The following NEK10 variants were observed in gnomAD, a reference collection of about 807,000 sequenced individuals.
NEK10 encodes NIMA related kinase 10, also known as serine/threonine-protein kinase Nek10.
Under a neutral mutation model 159.8 loss-of-function variants are expected in NEK10, and 122 were observed. That is an observed-to-expected ratio of 0.76 (90% CI 0.66 to 0.89). The LOEUF is 0.89. Ranked by LOEUF, NEK10 falls within the 40% of genes least tolerant of loss-of-function variation. NEK10 has a pLI of 0.00. For synonymous variants in NEK10, 466 were observed against 457.1 expected, an observed-to-expected ratio of 1.02 and a Z score of -0.25; for missense variants, 1,342 against 1,323.1, an observed-to-expected ratio of 1.01 and a Z score of -0.22.
chr3:27,156,929 G>GATATATATATATATATAT (rs4016654), intron 30 of NEK10, among the ~76,000 whole-genome samples: 1 of 28,314 alleles, frequency 3.5e-5, no homozygotes, highest in Non-Finnish European at 7.1e-5. Flanking sequence ...TAAAGAAACT[G>GATATATATATATATATAT]ATATATATAT....
At chr3:27,177,153 T>C (rs1305380839) in intron 26 of NEK10, among the ~76,000 whole-genome samples, 1 of 152,184 alleles carries the variant, frequency 6.6e-6, no homozygotes, top group East Asian at 1.9e-4. Flanking sequence ...TTTGCATAAA[T>C]TCTGATAAAG....
rs986411336 is a variant in NEK10 at position 27,346,188 on chromosome 3, T to C, written c.161A>G (p.Gln54Arg). Residue 54 changes from glutamine (Q) to arginine (R), a missense_variant, in exon 4 of 36, where the codon CAA becomes CGA. By Grantham distance (43) the Gln-to-Arg change is conservative. Coordinates refer to ENST00000691995, the MANE Select transcript of NEK10 (RefSeq NM_001394966.1). ...GGGCTCAGACTTCGTCATGCTATTT[T>C]GGGCACTATCGAAGTTAATGGCTGG... ...QLPAINFDSA[Q>R]NSMTKSEPAI... The C allele has an allele frequency of 1.2e-6, 2 of 1,613,634 alleles. No individual in the cohort carries two copies. Among genetic ancestry groups the C allele is most frequent in the Non-Finnish European group, 1.7e-6 (2 of 1,179,706 alleles).
intron 4 of NEK10, among the ~76,000 whole-genome samples, chr3:27,345,448 C>A (rs532094716): frequency 1.2e-4 from 19 of 152,248 alleles, no homozygotes; most frequent in African/African-American, 4.6e-4. Context: ...AAAATCTAGG[C>A]CAAATAAACA....
chr3:27,259,790 A>C (rs564929090), intron 22 of NEK10, among the ~76,000 whole-genome samples: 1 of 152,190 alleles, frequency 6.6e-6, no homozygotes, highest in South Asian at 2.1e-4. Context: ...ATGGCATTGA[A>C]CCTATAAATT....
In NEK10 at chr3:27,111,161, C is replaced by A; in HGVS notation, c.*111G>T. On this transcript the variant is annotated 3_prime_UTR_variant, in exon 36 of 36. Transcript: ENST00000691995. ...CCTGCAGGCCCCATGGCATCTTGGTCTTTTCCACACCCTCTAGCAGCACCC... is the reference window on the plus strand; with the variant it reads ...CCTGCAGGCCCCATGGCATCTTGGTATTTTCCACACCCTCTAGCAGCACCC... The A allele has an allele frequency of 9.7e-7, 1 of 1,026,840 alleles. No homozygotes were observed. The highest frequency in any genetic ancestry group is 1.6e-5 in the South Asian group (1 of 63,312). 63.6% of individuals were successfully genotyped at this position (1,026,840 alleles called of 1,614,324 possible).
At chr3:27,128,323 CA>C in intron 32 of NEK10, among the ~76,000 whole-genome samples, 1 of 152,272 alleles carries the variant, frequency 6.6e-6, no homozygotes, top group South Asian at 2.1e-4. Flanking sequence ...ATTTCATAGA[CA>C]GTGCTGTACA....
chr3:27,243,867 G>C (rs897867416), intron 23 of NEK10, among the ~76,000 whole-genome samples: 26 of 149,942 alleles, frequency 1.7e-4, no homozygotes, highest in African/African-American at 5.6e-4. Flanking sequence ...GTGTGTGTCT[G>C]TGTGTCCGTG....
Position 27,130,990 on chromosome 3 carries a change from A to G in NEK10, c.3081+890T>C, listed in dbSNP as rs116465833. Among the ~76,000 whole-genome samples the G allele has an allele frequency of 4.7e-3, 716 of 152,256 alleles. 7 individuals carry two copies. The highest frequency in any genetic ancestry group is 0.016 in the African/African-American group (680 of 41,548). ...GTATGTGCAGATACCAGTGATGTGA[A>G]ACAACAAAGCTAAAGAATGTTGTTT... On this transcript the variant is annotated intron_variant, in intron 32 of 35. Transcript: ENST00000691995.
intron 35 of NEK10, 145 bp downstream of exon 35, chr3:27,115,795 C>G: frequency 1.6e-6 from 1 of 632,348 alleles, no homozygotes; most frequent in Non-Finnish European, 2.8e-6. Context: ...ATAGATGTAT[C>G]TAGTCTAAGC....
At chr3:27,364,978 T>C (rs2048955820) in intron 1 of NEK10, among the ~76,000 whole-genome samples, 1 of 152,188 alleles carries the variant, frequency 6.6e-6, no homozygotes, top group Admixed American at 6.5e-5. Context: ...GGTTCATTCA[T>C]TTGCCAAGGT....
chr3:27,200,765 G>A (rs1419081193), intron 25 of NEK10, among the ~76,000 whole-genome samples: 2 of 152,132 alleles, frequency 1.3e-5, no homozygotes, highest in Non-Finnish European at 2.9e-5. Context: ...GGGCCATCAG[G>A]GTGGGGAACA....
At chr3:27,301,138 GCCC>G (rs1474885536) in intron 13 of NEK10, among the ~76,000 whole-genome samples, 2 of 152,186 alleles carry the variant, frequency 1.3e-5, no homozygotes, top group Admixed American at 6.5e-5. Context: ...AAGGCCAGGT[GCCC>G]CCAGGCAGGG....
chr3:27,261,906 C>T (rs77612147), intron 22 of NEK10, among the ~76,000 whole-genome samples: 1 of 152,102 alleles, frequency 6.6e-6, no homozygotes, highest in Admixed American at 6.5e-5. Flanking sequence ...TCGGGGTACC[C>T]CTGTATTGGG....
At chr3:27,208,792 T>C (rs17629266) in intron 23 of NEK10, among the ~76,000 whole-genome samples, 35,760 of 152,164 alleles carry the variant, frequency 0.24, 4,554 homozygotes, top group Middle Eastern at 0.38. Flanking sequence ...ATGGGCAACA[T>C]CATTCCAGAT....
At chr3:27,206,941 G>A (rs755234459) in intron 23 of NEK10, among the ~76,000 whole-genome samples, 18 of 152,064 alleles carry the variant, frequency 1.2e-4, no homozygotes, top group Non-Finnish European at 2.6e-4. Flanking sequence ...ATGACTTCCT[G>A]GGAAACATTT....
chr3:27,339,296 C>T (rs1343423580), intron 5 of NEK10, among the ~76,000 whole-genome samples: 2 of 151,960 alleles, frequency 1.3e-5, no homozygotes, highest in African/African-American at 4.8e-5. Flanking sequence ...TGCAATCTAC[C>T]CATCTGACAA....
chr3:27,198,637 T>C (rs1397468858), intron 25 of NEK10, among the ~76,000 whole-genome samples: 1 of 151,966 alleles, frequency 6.6e-6, no homozygotes, highest in Admixed American at 6.6e-5. Context: ...GAACCCCATA[T>C]ACAAAAATCA....
At chr3:27,319,119 T>A (rs1414349264) in intron 6 of NEK10, among the ~76,000 whole-genome samples, 1 of 152,192 alleles carries the variant, frequency 6.6e-6, no homozygotes, top group Non-Finnish European at 1.5e-5. Flanking sequence ...AATCGCACTA[T>A]TTTTTATTAT....
chr3:27,283,230 C>T (rs2042332394), intron 22 of NEK10, among the ~76,000 whole-genome samples: 1 of 152,132 alleles, frequency 6.6e-6, no homozygotes, highest in East Asian at 1.9e-4. Context: ...GCTTTAGATG[C>T]TGTCATATGT....
Sources: gnomAD v4.1 joint callset for allele counts (sites outside exome capture counted in the v4.1 genomes callset) on GRCh38, gnomAD v4.1.1 for gene constraint, MANE v1.5 for transcripts, NCBI Gene and HGNC (gene_info 2026-07-23, HGNC 2026-07-21) for gene names.